The following RPSA2 variants were observed in gnomAD, a reference collection of about 807,000 sequenced individuals.
RPSA2 encodes the protein ribosomal protein SA 2, also known as small ribosomal subunit protein uS2B.
At chr19:23,779,279 C>T in the RPSA2 span, among the ~76,000 whole-genome samples, 3 of 152,214 alleles carry the variant, frequency 2.0e-5, no homozygotes, top group African/African-American at 7.2e-5. Context: ...GGATTACAGG[C>T]GTGAGCCACT....
the RPSA2 span, chr19:23,827,056 C>G: frequency 1.4e-6 from 1 of 701,924 alleles, no homozygotes; most frequent in Admixed American, 2.1e-5. Context: ...TTGCTTTTAC[C>G]TATTTGCTTA....
chr19:23,822,253 C>T, the RPSA2 span, among the ~76,000 whole-genome samples: 4 of 152,156 alleles, frequency 2.6e-5, no homozygotes, highest in South Asian at 2.1e-4. Context: ...AGCTGGGTTG[C>T]GTCATTTGGG....
the RPSA2 span, among the ~76,000 whole-genome samples, chr19:23,813,650 A>G: frequency 6.6e-6 from 1 of 151,654 alleles, no homozygotes; most frequent in Non-Finnish European, 1.5e-5. Context: ...TAATAATTTT[A>G]TTTTTAATTA....
chr19:23,852,659 A>G, the RPSA2 span, among the ~76,000 whole-genome samples: 148,869 of 152,218 alleles, frequency 0.98, 72,891 homozygotes, highest in Middle Eastern at 1. Flanking sequence ...CCTCATTCCC[A>G]TAAACCCACA....
the RPSA2 span, among the ~76,000 whole-genome samples, chr19:23,863,794 T>G: frequency 1.8e-4 from 28 of 152,304 alleles, no homozygotes; most frequent in Admixed American, 6.5e-5. Context: ...ACATAAGAAT[T>G]TGACTAGTGT....
the RPSA2 span, chr19:23,832,754 C>T: frequency 6.4e-7 from 1 of 1,562,392 alleles, no homozygotes; most frequent in South Asian, 1.1e-5. Flanking sequence ...TTTAGCCAGT[C>T]ATCAATCCTT....
the RPSA2 span, among the ~76,000 whole-genome samples, chr19:23,770,972 A>G: frequency 6.6e-6 from 1 of 152,200 alleles, no homozygotes; most frequent in Non-Finnish European, 1.5e-5. Flanking sequence ...TCATACCTCT[A>G]AACAACCAGT....
the RPSA2 span, among the ~76,000 whole-genome samples, chr19:23,859,744 C>T: frequency 0.98 from 149,018 of 152,354 alleles, 72,972 homozygotes; most frequent in Middle Eastern, 1. Flanking sequence ...ATCGTTTGTC[C>T]AAAATTATTT....
the RPSA2 span, among the ~76,000 whole-genome samples, chr19:23,836,637 T>C: frequency 6.6e-6 from 1 of 152,214 alleles, no homozygotes; most frequent in Non-Finnish European, 1.5e-5. Flanking sequence ...CCACCGGCAG[T>C]GTGGAAGTGT....
chr19:23,852,082 G>A, the RPSA2 span, among the ~76,000 whole-genome samples: 3 of 152,176 alleles, frequency 2.0e-5, no homozygotes, highest in South Asian at 4.1e-4. Context: ...GGAGTGGAAT[G>A]AAGCGAAAAC....
At chr19:23,869,793 C>A in the RPSA2 span, among the ~76,000 whole-genome samples, 1 of 152,250 alleles carries the variant, frequency 6.6e-6, no homozygotes, top group Admixed American at 6.5e-5. Context: ...ACGGTAGTAT[C>A]CGGGTAGGAA....
the RPSA2 span, among the ~76,000 whole-genome samples, chr19:23,844,173 C>A: frequency 6.6e-6 from 1 of 152,076 alleles, no homozygotes; most frequent in Non-Finnish European, 1.5e-5. Flanking sequence ...TTAAATATAT[C>A]TATTGGTCAT....
chr19:23,780,470 C>G, the RPSA2 span, among the ~76,000 whole-genome samples: 1 of 152,142 alleles, frequency 6.6e-6, no homozygotes, highest in East Asian at 1.9e-4. Context: ...GGTGAAACCC[C>G]ATCTGTACTA....
the RPSA2 span, among the ~76,000 whole-genome samples, chr19:23,820,602 A>C: frequency 6.6e-6 from 1 of 152,140 alleles, no homozygotes; most frequent in Non-Finnish European, 1.5e-5. Flanking sequence ...TTTATAGTGC[A>C]TAACAGCTAC....
At chr19:23,814,216 T>TAAAA in the RPSA2 span, among the ~76,000 whole-genome samples, 4 of 143,598 alleles carry the variant, frequency 2.8e-5, no homozygotes, top group African/African-American at 5.1e-5. Context: ...CATTTCAAAA[T>TAAAA]AAAAAAAAAA....
At chr19:23,868,789 C>T in the RPSA2 span, among the ~76,000 whole-genome samples, 12 of 152,196 alleles carry the variant, frequency 7.9e-5, no homozygotes, top group South Asian at 2.1e-4. Context: ...CCTCAAGGTG[C>T]GTGCAACCAT....
At chr19:23,839,513 T>G in the RPSA2 span, among the ~76,000 whole-genome samples, 2 of 152,126 alleles carry the variant, frequency 1.3e-5, no homozygotes, top group Admixed American at 1.3e-4. Flanking sequence ...GGTTTGAAAA[T>G]TACCCCAGGC....
chr19:23,808,459 G>T, the RPSA2 span, among the ~76,000 whole-genome samples: 2 of 151,776 alleles, frequency 1.3e-5, no homozygotes, highest in East Asian at 1.9e-4. Context: ...TAGAGACAGG[G>T]TTTCACCATC....
the RPSA2 span, among the ~76,000 whole-genome samples, chr19:23,845,693 A>G: frequency 6.6e-6 from 1 of 152,106 alleles, no homozygotes; most frequent in Non-Finnish European, 1.5e-5. Flanking sequence ...CGGTTTTTGC[A>G]TGTTGCTCAG....
Sources: gnomAD v4.1 joint callset for allele counts (sites outside exome capture counted in the v4.1 genomes callset) on GRCh38, gnomAD v4.1.1 for gene constraint, MANE v1.5 for transcripts, NCBI Gene and HGNC (gene_info 2026-07-23, HGNC 2026-07-21) for gene names.